The following SLFN12L variants were observed in gnomAD, a reference collection of about 807,000 sequenced individuals.
SLFN12L encodes schlafen family member 12 like.
A neutral mutation model predicts 34.8 loss-of-function variants in SLFN12L; 34 were observed. The observed-to-expected ratio is 0.98, with a 90% CI of 0.74 to 1.30. The LOEUF is 1.30. Ranked by LOEUF, SLFN12L falls within the 50% of genes most tolerant of loss-of-function variation. The pLI, the probability that SLFN12L is intolerant of heterozygous loss-of-function variation, is 0.00. For synonymous variants in SLFN12L, 259 were observed against 247.5 expected (o/e 1.05, Z -0.44); for missense variants, 703 against 696.2 (o/e 1.01, Z -0.11).
chr17:35,503,562 G>A (rs1414694459), intron 2 of SLFN12L, among the ~76,000 whole-genome samples: 2 of 151,880 alleles, frequency 1.3e-5, no homozygotes, highest in Admixed American at 1.3e-4. Flanking sequence ...TGGCTTCTTT[G>A]GTCTAAAAAC....
chr17:35,522,926 CTTCCAGAGGGA>C lies in SLFN12L; in HGVS notation c.-573_-563del. 1 of 611,812 alleles carries C rather than the reference CTTCCAGAGGGA, an allele frequency of 1.6e-6. No individual in the cohort carries two copies. The highest frequency in any genetic ancestry group is 2.9e-6 in the Non-Finnish European group (1 of 341,540). 37.9% of individuals were successfully genotyped at this position (611,812 alleles called of 1,614,324 possible). ...ATCCTTCATTCTGTGAGGACAGCTCCTTCCAGAGGGATTCCAGAGTACATCGCAAATATCCT... is the reference window on the plus strand; with the variant it reads ...ATCCTTCATTCTGTGAGGACAGCTCCTTCCAGAGTACATCGCAAATATCCT... On this transcript the variant is annotated 5_prime_UTR_variant, in exon 2 of 5. An upstream open reading frame in the 5' UTR gains an earlier in-frame stop. Coordinates refer to ENST00000628453, the MANE Select transcript of SLFN12L (RefSeq NM_001363830.2).
At chr17:35,487,770 C>G (rs1914652775) in intron 2 of SLFN12L, 9 of 1,535,848 alleles carry the variant, frequency 5.9e-6, no homozygotes, top group Non-Finnish European at 7.8e-6. Flanking sequence ...GTAGGGGGAC[C>G]TGAGTTCTTT....
At chr17:35,507,221 A>T (rs1220609063) in intron 2 of SLFN12L, among the ~76,000 whole-genome samples, 3 of 152,232 alleles carry the variant, frequency 2.0e-5, no homozygotes, top group Non-Finnish European at 4.4e-5. Context: ...TCCTGCAAAA[A>T]GAGAAGCATA....
intron 2 of SLFN12L, chr17:35,490,216 AAAGTG>A (rs1914779797): frequency 6.3e-7 from 1 of 1,582,880 alleles, no homozygotes; most frequent in African/African-American, 1.3e-5. Flanking sequence ...GCCCTCTGGC[AAAGTG>A]AAGTCTGGAG....
chr17:35,475,301 A>C lies in SLFN12L; in HGVS notation c.1461T>G (p.Ala487=), dbSNP rs771501969. 2 of 1,614,200 alleles carry C rather than the reference A, an allele frequency of 1.2e-6. No homozygotes were observed. The highest frequency in any genetic ancestry group is 8.5e-7 in the Non-Finnish European group (1 of 1,180,018). The change falls in exon 5 of 5, where the codon GCT becomes GCG. Residue 487 remains alanine (A), a synonymous_variant. Transcript: ENST00000628453. ...GAGGCTTGTCCTGGGAAATCAGAAG[A>C]GCATCACAGAGGACTTTGTGGTTCT... ...LQENHKVLCD[A]LLISQDKPPV...
chr17:35,490,566 T>G lies in SLFN12L; in HGVS notation c.87-10371A>C, dbSNP rs917669196. 1.9e-5 allele frequency: 16 copies of G among 830,158 alleles called. No individual in the cohort carries two copies. The African/African-American group carries it at 2.2e-4, about 11-fold the overall frequency. The allele number at this position is 830,158 out of a possible 1,614,324, so 51.4% of individuals were successfully genotyped here. On this transcript the variant is annotated intron_variant, in intron 2 of 4. Transcript: ENST00000628453. Reference sequence around the variant, plus strand: ...GGATGGGTTGCAGTCTGTCTGCGGATGGGGGCATGCTGACCCAGTGTCAAG... The same window carrying G: ...GGATGGGTTGCAGTCTGTCTGCGGAGGGGGGCATGCTGACCCAGTGTCAAG...
At chr17:35,480,367 T>C (rs972576313) in intron 2 of SLFN12L, 172 bp from the exon 3 acceptor site, 5 of 485,290 alleles carry the variant, frequency 1.0e-5, no homozygotes, top group African/African-American at 2.0e-5. Flanking sequence ...TGATAATTTA[T>C]ACTCCTACTG....
chr17:35,505,907 A>G (rs564137285), intron 2 of SLFN12L, among the ~76,000 whole-genome samples: 1 of 152,316 alleles, frequency 6.6e-6, no homozygotes, highest in East Asian at 1.9e-4. Context: ...CAGACTGAGG[A>G]CTGTTCCCAG....
Position 35,522,785 on chromosome 17 carries a change from A to G in SLFN12L, c.-421T>C. Reference sequence around the variant, plus strand: ...CAGGGCTGTTCTATGCTATCAGCAGAGCATCACAGATGACTCCTGGCTTCT... The same window carrying G: ...CAGGGCTGTTCTATGCTATCAGCAGGGCATCACAGATGACTCCTGGCTTCT... On this transcript the variant is annotated 5_prime_UTR_variant, in exon 2 of 5. Transcript: ENST00000628453. 1 of 1,575,604 alleles carries G rather than the reference A, an allele frequency of 6.3e-7. No homozygotes were observed. The highest frequency in any genetic ancestry group is 8.7e-7 in the Non-Finnish European group (1 of 1,149,042).
rs1486503959 is a variant in SLFN12L, at chr17:35,464,899, T to C, written c.*10024A>G. Among the ~76,000 whole-genome samples, 1 of 152,120 alleles carries C rather than the reference T, an allele frequency of 6.6e-6. No individual in the cohort carries two copies. Among genetic ancestry groups the C allele is most frequent in the Non-Finnish European group, 1.5e-5 (1 of 68,018 alleles). On this transcript the variant is annotated 3_prime_UTR_variant, in exon 5 of 5. Coordinates refer to ENST00000628453, the MANE Select transcript of SLFN12L (RefSeq NM_001363830.2). ...GTTTTTTGCTTTTTTTAGAGAGAGA[T>C]AAAGTCTTGCTCTGTCACCCAGGCT...
rs137970354 is a variant in SLFN12L, at chr17:35,490,533, C to A, written c.87-10338G>T. 5 of 868,610 alleles carry A rather than the reference C, an allele frequency of 5.8e-6. No homozygotes were observed. The African/African-American group carries it at 6.5e-5, about 11-fold the overall frequency. 53.8% of individuals were successfully genotyped at this position (868,610 alleles called of 1,614,324 possible). A position where few individuals can be genotyped will look rare whatever the true frequency, so the allele number is the denominator to read the frequency against. On this transcript the variant is annotated intron_variant, in intron 2 of 4. Transcript: ENST00000628453. Reference sequence around the variant, plus strand: ...TCATTAAGAAGAAGTCTAAAAATAACGTCCAGTGGATGGGTTGCAGTCTGT... The same window carrying A: ...TCATTAAGAAGAAGTCTAAAAATAAAGTCCAGTGGATGGGTTGCAGTCTGT...
At chr17:35,515,136 G>A in intron 2 of SLFN12L, 1 of 627,400 alleles carries the variant, frequency 1.6e-6, no homozygotes, top group Non-Finnish European at 3.1e-6. Context: ...TGCAGTACCC[G>A]ATGAAAAGGG....
At chr17:35,492,973 A>AAG in intron 2 of SLFN12L, among the ~76,000 whole-genome samples, 1 of 128,990 alleles carries the variant, frequency 7.8e-6, no homozygotes, top group Admixed American at 7.4e-5. Context: ...AAAAAAACAC[A>AAG]CACACACACA....
chr17:35,491,347 T>C (rs918311219), intron 2 of SLFN12L: 2 of 447,620 alleles, frequency 4.5e-6, no homozygotes, highest in Non-Finnish European at 8.0e-6. Context: ...TCCAGGAGAG[T>C]ATCATGAAGT....
At chr17:35,485,412 G>A (rs1158613049) in intron 2 of SLFN12L, among the ~76,000 whole-genome samples, 1 of 151,002 alleles carries the variant, frequency 6.6e-6, no homozygotes, top group Non-Finnish European at 1.5e-5. Flanking sequence ...TCTTTATAAA[G>A]TCTGGATATT....
At chr17:35,511,600 C>G (rs1363285021) in intron 2 of SLFN12L, among the ~76,000 whole-genome samples, 1 of 151,516 alleles carries the variant, frequency 6.6e-6, no homozygotes, top group African/African-American at 2.4e-5. Flanking sequence ...CACACACACA[C>G]ACACACACAC....
intron 1 of SLFN12L, among the ~76,000 whole-genome samples, chr17:35,532,614 A>G (rs1231990833): frequency 2.0e-5 from 3 of 152,104 alleles, no homozygotes; most frequent in Non-Finnish European, 4.4e-5. Context: ...AAATCAGGCC[A>G]GGCACCGTGG....
chr17:35,530,425 G>A (rs1347511527), intron 1 of SLFN12L, among the ~76,000 whole-genome samples: 1,503 of 8,228 alleles, frequency 0.18, 302 homozygotes, highest in South Asian at 0.24. Flanking sequence ...AAGGAAGGAA[G>A]GAAGGGAAGG....
intron 2 of SLFN12L, among the ~76,000 whole-genome samples, chr17:35,486,567 A>G (rs958967093): frequency 3.0e-4 from 46 of 152,176 alleles, no homozygotes; most frequent in African/African-American, 1.1e-3. Flanking sequence ...GGCTTCAGGC[A>G]TACATCTGGA....
Sources: allele counts gnomAD v4.1 joint callset (sites outside exome capture counted in the v4.1 genomes callset), GRCh38; gene constraint gnomAD v4.1.1; transcripts MANE v1.5; gene names NCBI Gene and HGNC (gene_info 2026-07-23, HGNC 2026-07-21).